CALD1: variants seen among roughly 807,000 people sequenced by gnomAD.
The protein encoded by CALD1 is caldesmon 1.
Under a neutral mutation model 99.9 loss-of-function variants are expected in CALD1, and 33 were observed. That is an observed-to-expected ratio of 0.33 (90% CI 0.25 to 0.44). The LOEUF is 0.44. Ranked by LOEUF, CALD1 falls within the 20% of genes least tolerant of loss-of-function variation. The pLI is 1.00. For synonymous variants in CALD1, 310 were observed against 325.0 expected, an observed-to-expected ratio of 0.95 and a Z score of 0.50; for missense variants, 861 against 962.1, an observed-to-expected ratio of 0.89 and a Z score of 1.39.
chr7:134,733,232 C>T, the CALD1 span, among the ~76,000 whole-genome samples: 62 of 152,286 alleles, frequency 4.1e-4, no homozygotes, highest in East Asian at 8.7e-3. Flanking sequence ...GCATGGAACC[C>T]AGTGCTCAAG....
At chr7:134,965,514 T>C (rs1203509344) in intron 14 of CALD1, 128 bp downstream of exon 14, 3 of 661,794 alleles carry the variant, frequency 4.5e-6, no homozygotes, top group Non-Finnish European at 8.4e-6. Flanking sequence ...CATCAGTGTC[T>C]AAAAGACCAG....
At chr7:134,750,961 T>C (rs893121632) in intron 1 of CALD1, among the ~76,000 whole-genome samples, 2 of 152,180 alleles carry the variant, frequency 1.3e-5, no homozygotes, top group African/African-American at 4.8e-5. Context: ...TTTGGGAATA[T>C]GGCATGCTTC....
In CALD1 at chr7:134,947,579, G is replaced by A; in HGVS notation, c.1604G>A (p.Arg535Lys). Residue 535 changes from arginine to lysine, a missense_variant, in exon 8 of 15, where the codon AGG becomes AAG. Coordinates refer to ENST00000361675, the MANE Select transcript of CALD1 (RefSeq NM_033138.4). ...GCCCCCCAGGTGGAAGCCGGCAAAA[G>A]GCTGGAGGAGCTTCGTCGTCGTCGC... The part of the protein sequence containing the change: ...EGAPQVEAGK[R>K]LEELRRRRGE... The A allele has an allele frequency of 1.3e-6, 2 of 1,561,940 alleles. No individual in the cohort carries two copies. The highest frequency in any genetic ancestry group is 1.7e-6 in the Non-Finnish European group (2 of 1,152,684).
chr7:134,750,301 G>A (rs1250619366), intron 1 of CALD1, among the ~76,000 whole-genome samples: 3 of 152,034 alleles, frequency 2.0e-5, no homozygotes. Context: ...CTAACAGGGT[G>A]TCTGCTGGCC....
intron 3 of CALD1, among the ~76,000 whole-genome samples, chr7:134,914,584 G>A (rs1237995708): frequency 6.6e-6 from 1 of 152,190 alleles, no homozygotes; most frequent in Non-Finnish European, 1.5e-5. Context: ...CCATCTTTCT[G>A]TATGTACCAA....
Position 134,920,487 on chromosome 7 carries a change from A to G in CALD1, c.72-8267A>G, listed in dbSNP as rs191067427. 4,193 of 1,106,254 alleles carry G rather than the reference A, an allele frequency of 3.8e-3. 12 individuals carry two copies. Among genetic ancestry groups the G allele is most frequent in the Non-Finnish European group, 4.3e-3 (3,877 of 895,902 alleles). 68.5% of individuals were successfully genotyped at this position (1,106,254 alleles called of 1,614,324 possible). ...TTGACTAAGAAGTCATCCTTTTTTG[A>G]GGCTGTGAGCCCCAGGCATTCTTCT... On this transcript the variant is annotated intron_variant, in intron 3 of 14. Coordinates refer to ENST00000361675, the MANE Select transcript of CALD1 (RefSeq NM_033138.4).
intron 1 of CALD1, among the ~76,000 whole-genome samples, chr7:134,842,175 C>A (rs1251247816): frequency 6.6e-6 from 1 of 152,210 alleles, no homozygotes; most frequent in African/African-American, 2.4e-5. Context: ...ACTCAGTGAA[C>A]AAGCAAGTGG....
chr7:134,866,938 G>A (rs1387435813), intron 2 of CALD1: 2 of 152,158 alleles, frequency 1.3e-5, no homozygotes, highest in Admixed American at 6.5e-5. Flanking sequence ...GGGAATTCTG[G>A]AATACTTGAC....
Position 134,947,572 on chromosome 7 carries a change from G to A in CALD1, c.1597G>A (p.Gly533Ser), listed in dbSNP as rs768053736. 6 of 1,561,938 alleles carry A rather than the reference G, an allele frequency of 3.8e-6. No individual in the cohort carries two copies. The highest frequency in any genetic ancestry group is 2.4e-5 in the East Asian group (1 of 41,604). Residue 533 changes from glycine (G) to serine (S), a missense_variant, in exon 8 of 15, where the codon GGC (glycine) becomes AGC (serine). Coordinates refer to ENST00000361675, the MANE Select transcript of CALD1 (RefSeq NM_033138.4). Reference protein sequence around the residue: ...EAEGAPQVEAGKRLEELRRRR... With the variant: ...EAEGAPQVEASKRLEELRRRR... ...TGAGGGCGCCCCCCAGGTGGAAGCC[G>A]GCAAAAGGCTGGAGGAGCTTCGTCG...
chr7:134,774,558 T>C (rs1299529729), intron 1 of CALD1, among the ~76,000 whole-genome samples: 1 of 152,248 alleles, frequency 6.6e-6, no homozygotes, highest in Non-Finnish European at 1.5e-5. Flanking sequence ...CACCTGGTTG[T>C]GTGGGGTAGA....
intron 3 of CALD1, among the ~76,000 whole-genome samples, chr7:134,918,036 G>A (rs569105192): frequency 6.6e-6 from 1 of 152,302 alleles, no homozygotes; most frequent in South Asian, 2.1e-4. Flanking sequence ...ATAGGGTGGG[G>A]TAGATGGGGT....
At chr7:134,711,680 A>ATATATATG in the CALD1 span, among the ~76,000 whole-genome samples, 49 of 109,562 alleles carry the variant, frequency 4.5e-4, no homozygotes, top group African/African-American at 1.6e-3. Flanking sequence ...ATATATATAT[A>ATATATATG]TGTGTGTGTG....
chr7:134,793,797 C>A lies in CALD1; in HGVS notation c.-130+14048C>A, dbSNP rs143491214. Among the ~76,000 whole-genome samples, 662 of 152,070 alleles carry A rather than the reference C, an allele frequency of 4.4e-3. 5 individuals are homozygous for A. The highest frequency in any genetic ancestry group is 0.015 in the African/African-American group (623 of 41,430). ...CCACAAATCTCTCTTCACCTATCAA[C>A]CACTCCCTCCATTTATGTACCATTT... On this transcript the variant is annotated intron_variant, in intron 1 of 14. Transcript: ENST00000361675.
chr7:134,797,798 T>C (rs1469891688), intron 1 of CALD1, among the ~76,000 whole-genome samples: 1 of 152,076 alleles, frequency 6.6e-6, no homozygotes, highest in Admixed American at 6.6e-5. Context: ...CACCATATTG[T>C]CCAGGATGGT....
chr7:134,849,042 A>G (rs1429080217), intron 2 of CALD1, among the ~76,000 whole-genome samples: 1 of 152,190 alleles, frequency 6.6e-6, no homozygotes, highest in African/African-American at 2.4e-5. Flanking sequence ...TTTTAATTAA[A>G]TGCAATGGAA....
Position 134,783,541 on chromosome 7 carries a change from T to C in CALD1, c.-130+3792T>C, listed in dbSNP as rs1391054178. Among the ~76,000 whole-genome samples the C allele has an allele frequency of 1.3e-5, 2 of 151,912 alleles. No homozygotes were observed. The highest frequency in any genetic ancestry group is 2.9e-5 in the Non-Finnish European group (2 of 67,966). ...AAACTCATAATTGGCAGGCTGTGGG[T>C]AAGGCTATGGGAGCGGGGTCGGGGG... On this transcript the variant is annotated intron_variant, in intron 1 of 14. Coordinates refer to ENST00000361675, the MANE Select transcript of CALD1 (RefSeq NM_033138.4). The surrounding 1 kb of genome is among the most constrained non-coding windows in gnomAD (Gnocchi z 4.3).
At chr7:134,844,992 G>A (rs1042037556) in intron 2 of CALD1, among the ~76,000 whole-genome samples, 1 of 152,132 alleles carries the variant, frequency 6.6e-6, no homozygotes, top group Non-Finnish European at 1.5e-5. Flanking sequence ...TGAATTTGGG[G>A]GAAATACCAT....
At chr7:134,713,483 G>A in the CALD1 span, among the ~76,000 whole-genome samples, 1 of 152,150 alleles carries the variant, frequency 6.6e-6, no homozygotes, top group Non-Finnish European at 1.5e-5. Context: ...GACATGCAGC[G>A]CCTTACACTA....
the CALD1 span, among the ~76,000 whole-genome samples, chr7:134,722,629 T>C: frequency 1.3e-5 from 2 of 151,940 alleles, no homozygotes; most frequent in East Asian, 1.9e-4. Flanking sequence ...ACCATATTGG[T>C]CAGGCTGGTC....
Sources: gnomAD v4.1 joint callset for allele counts (sites outside exome capture counted in the v4.1 genomes callset) on GRCh38, gnomAD v4.1.1 for gene constraint, Gnocchi (gnomAD v3.1) non-coding constraint, MANE v1.5 for transcripts, NCBI Gene and HGNC (gene_info 2026-07-23, HGNC 2026-07-21) for gene names.